Variants in NSUN6 observed in about 807,000 individuals in gnomAD.
NSUN6 encodes the protein tRNA (cytosine(72)-C(5))-methyltransferase NSUN6.
NSUN6 carries 64 observed loss-of-function variants against 58.0 expected under a neutral mutation model. The observed-to-expected ratio is 1.10, with a 90% CI of 0.90 to 1.36. The LOEUF is 1.36. NSUN6 is among the 40% of genes most tolerant of loss of function. The pLI, the probability that NSUN6 is intolerant of heterozygous loss-of-function variation, is 0.00. For missense variants in NSUN6, 701 were observed against 550.1 expected (o/e 1.27, Z -2.74); for synonymous variants, 231 against 193.9 (o/e 1.19, Z -1.59).
chr10:18,613,166 A>G (rs536587295), intron 5 of NSUN6, among the ~76,000 whole-genome samples: 2 of 152,122 alleles, frequency 1.3e-5, no homozygotes, highest in African/African-American at 4.8e-5. Flanking sequence ...CAGTGGTGCA[A>G]TCTTGGGCTC....
intron 6 of NSUN6, among the ~76,000 whole-genome samples, chr10:18,608,858 A>C (rs2058131364): frequency 6.6e-6 from 1 of 152,218 alleles, no homozygotes; most frequent in African/African-American, 2.4e-5. Context: ...TAGCAAACGA[A>C]AATTCCCAAA....
intron 8 of NSUN6, among the ~76,000 whole-genome samples, chr10:18,575,842 C>T (rs553317897): frequency 6.6e-6 from 1 of 152,288 alleles, no homozygotes; most frequent in East Asian, 1.9e-4. Flanking sequence ...AAATTATATA[C>T]TTGGTCTATT....
intron 8 of NSUN6, among the ~76,000 whole-genome samples, chr10:18,569,715 C>A (rs989611155): frequency 6.6e-6 from 1 of 151,546 alleles, no homozygotes; most frequent in African/African-American, 2.4e-5. Flanking sequence ...CCATTCTATT[C>A]CATTCTCCAC....
At chr10:18,630,606 A>G (rs1468179257) in intron 3 of NSUN6, among the ~76,000 whole-genome samples, 2 of 152,242 alleles carry the variant, frequency 1.3e-5, no homozygotes, top group African/African-American at 2.4e-5. Flanking sequence ...ACAAACTACC[A>G]TCAGAGAATA....
intron 2 of NSUN6, among the ~76,000 whole-genome samples, chr10:18,647,150 T>G (rs4748503): frequency 0.55 from 84,144 of 152,072 alleles, 23,741 homozygotes; most frequent in East Asian, 0.94. Flanking sequence ...TGTTCTTAAA[T>G]AGAGTATGAC....
chr10:18,554,229 T>C (rs1230397970), intron 8 of NSUN6, among the ~76,000 whole-genome samples: 1 of 147,810 alleles, frequency 6.8e-6, no homozygotes. Context: ...TGGAATGGAC[T>C]GGAGACTGGA....
chr10:18,608,462 C>T (rs2058115703), intron 6 of NSUN6, among the ~76,000 whole-genome samples: 1 of 151,886 alleles, frequency 6.6e-6, no homozygotes, highest in Admixed American at 6.6e-5. Context: ...ACGGCAAAAC[C>T]CCATCTCTAC....
chr10:18,571,778 T>C (rs2056380962), intron 8 of NSUN6, among the ~76,000 whole-genome samples: 1 of 151,698 alleles, frequency 6.6e-6, no homozygotes, highest in Admixed American at 6.6e-5. Context: ...TCCATTCCAT[T>C]CCATTCTCCA....
chr10:18,609,540 C>T (rs1039870942), intron 6 of NSUN6, among the ~76,000 whole-genome samples: 62 of 152,186 alleles, frequency 4.1e-4, no homozygotes, highest in African/African-American at 1.4e-3. Flanking sequence ...GAACACCACA[C>T]ATGTATATCA....
intron 10 of NSUN6, among the ~76,000 whole-genome samples, chr10:18,547,341 A>G (rs1377233126): frequency 6.6e-6 from 1 of 152,230 alleles, no homozygotes; most frequent in East Asian, 1.9e-4. Flanking sequence ...GAGTGTGTGT[A>G]TATTTCCAAA....
intron 8 of NSUN6, among the ~76,000 whole-genome samples, chr10:18,563,635 G>A (rs1279122837): frequency 7.0e-6 from 1 of 143,790 alleles, no homozygotes; most frequent in Non-Finnish European, 1.5e-5. Flanking sequence ...CCATTCCATT[G>A]CATTCTCCAT....
rs201567297 is a variant in NSUN6 at position 18,546,062 on chromosome 10, C to T, written c.1281G>A (p.Ser427=). The part of the protein sequence containing the change: ...QLKQLQRFDP[S]AVPLPDTDMD... Reference sequence around the variant, plus strand: ...TGTCAGTGTCCGGTAATGGCACAGCCGATGGATCAAATCGCTGCAGCTGTT... The same window carrying T: ...TGTCAGTGTCCGGTAATGGCACAGCTGATGGATCAAATCGCTGCAGCTGTT... Residue 427 remains serine (S), a synonymous_variant, in exon 11 of 11, where the codon TCG becomes TCA. Transcript: ENST00000377304. The T allele has an allele frequency of 5.0e-6, 8 of 1,606,146 alleles. No homozygotes were observed. Among genetic ancestry groups the T allele is most frequent in the Middle Eastern group, 1.7e-4 (1 of 5,984 alleles).
chr10:18,612,797 A>G (rs12249604), intron 5 of NSUN6, among the ~76,000 whole-genome samples: 5,290 of 152,316 alleles, frequency 0.035, 317 homozygotes, highest in African/African-American at 0.12. Context: ...TTGTAGCCAC[A>G]TATCTCCATA....
chr10:18,644,030 A>T (rs2059466561), intron 2 of NSUN6, among the ~76,000 whole-genome samples: 1 of 152,196 alleles, frequency 6.6e-6, no homozygotes, highest in South Asian at 2.1e-4. Context: ...TATTGAGATA[A>T]TTTACATACC....
chr10:18,578,960 T>C (rs932942295), intron 8 of NSUN6, among the ~76,000 whole-genome samples: 1 of 152,168 alleles, frequency 6.6e-6, no homozygotes, highest in East Asian at 1.9e-4. Flanking sequence ...ACTTCTAATA[T>C]TCTCACTGAA....
chr10:18,643,561 AT>A (rs1432580676), intron 2 of NSUN6, among the ~76,000 whole-genome samples: 2 of 152,186 alleles, frequency 1.3e-5, no homozygotes, highest in Admixed American at 1.3e-4. Context: ...ATAAAACTTC[AT>A]ATCTACCAAG....
intron 2 of NSUN6, among the ~76,000 whole-genome samples, chr10:18,648,258 G>T (rs1342237451): frequency 1.3e-5 from 2 of 152,114 alleles, no homozygotes; most frequent in East Asian, 3.9e-4. Flanking sequence ...GCCCAGAGGG[G>T]TTTAATGAGC....
chr10:18,628,724 G>T (rs1490814760), intron 3 of NSUN6, among the ~76,000 whole-genome samples: 1 of 152,164 alleles, frequency 6.6e-6, no homozygotes, highest in African/African-American at 2.4e-5. Flanking sequence ...AAAAAGAAAT[G>T]AGGAAAGCCT....
chr10:18,638,068 A>G (rs1480827791), intron 3 of NSUN6, among the ~76,000 whole-genome samples: 1 of 152,196 alleles, frequency 6.6e-6, no homozygotes, highest in Non-Finnish European at 1.5e-5. Flanking sequence ...TTGCTTCTAT[A>G]AAGAAAAACC....
Sources: allele counts gnomAD v4.1 joint callset (sites outside exome capture counted in the v4.1 genomes callset), GRCh38; gene constraint gnomAD v4.1.1; transcripts MANE v1.5; gene names NCBI Gene and HGNC (gene_info 2026-07-23, HGNC 2026-07-21).